Variants in FSTL1 observed in about 807,000 individuals in gnomAD.
FSTL1 encodes follistatin like 1, also known as follistatin-related protein 1.
In FSTL1, 24 loss-of-function variants were observed where a neutral mutation model predicts 45.9. The observed-to-expected ratio is 0.52, with a 90% CI of 0.38 to 0.74. The LOEUF (loss-of-function observed/expected upper bound fraction) is 0.74. Among genes scored for constraint, FSTL1 ranks in the 30% least tolerant of loss-of-function variants. The pLI is 0.00. For synonymous variants in FSTL1, 120 were observed against 137.6 expected, an observed-to-expected ratio of 0.87 and a Z score of 0.89; for missense variants, 340 against 381.8, an observed-to-expected ratio of 0.89 and a Z score of 0.91.
intron 7 of FSTL1, 51 bp from the exon 8 acceptor site, chr3:120,403,405 G>T: frequency 9.0e-7 from 1 of 1,108,138 alleles, no homozygotes; most frequent in Non-Finnish European, 1.4e-6. Flanking sequence ...GCTTCGCTCA[G>T]AAGAAAGGAA....
chr3:120,397,078 A>G (rs1936717392), intron 10 of FSTL1, 82 bp from the exon 11 acceptor site: 3 of 1,092,184 alleles, frequency 2.7e-6, no homozygotes, highest in Non-Finnish European at 4.2e-6. Flanking sequence ...ACTATATAGC[A>G]TTGGCATTTA....
chr3:120,447,919 G>T (rs1401047475), intron 2 of FSTL1, among the ~76,000 whole-genome samples: 1 of 152,200 alleles, frequency 6.6e-6, no homozygotes, highest in Admixed American at 6.5e-5. Flanking sequence ...CCAAAGTGCT[G>T]GGATTACAGG....
Position 120,394,741 on chromosome 3 carries a change from T to C in FSTL1, c.*2211A>G, listed in dbSNP as rs1432100668. Reference sequence around the variant, plus strand: ...ATGGAAGACTCCCCAGACTAGGCTATTTAGCAGCTTCCATGAATGGTCCTC... The same window carrying C: ...ATGGAAGACTCCCCAGACTAGGCTACTTAGCAGCTTCCATGAATGGTCCTC... On this transcript the variant is annotated 3_prime_UTR_variant, in exon 11 of 11. Transcript: ENST00000295633. 6.6e-6 allele frequency: 1 copy of C among 152,240 alleles called. No homozygotes were observed. The allele number at this position is 152,240 out of a possible 1,614,324, so 9.4% of individuals were successfully genotyped here. A position where few individuals can be genotyped will look rare whatever the true frequency, so the allele number is the denominator to read the frequency against.
chr3:120,405,886 A>G (rs4676778), intron 6 of FSTL1, among the ~76,000 whole-genome samples: 65,051 of 151,926 alleles, frequency 0.43, 14,598 homozygotes, highest in Non-Finnish European at 0.49. Context: ...AATTTCAATA[A>G]CATTTTCCCC....
chr3:120,435,302 A>AT (rs776177742), intron 2 of FSTL1, among the ~76,000 whole-genome samples: 6 of 152,190 alleles, frequency 3.9e-5, no homozygotes, highest in Non-Finnish European at 8.8e-5. Flanking sequence ...GTATTTTCTC[A>AT]TGAAGCACTT....
intron 4 of FSTL1, 90 bp from the exon 5 acceptor site, chr3:120,411,074 T>C (rs541359736): frequency 2.4e-6 from 2 of 840,866 alleles, no homozygotes; most frequent in South Asian, 1.6e-5. Flanking sequence ...GCTCTACATG[T>C]AGGGGAATGT....
chr3:120,423,773 T>C (rs1179754085), intron 2 of FSTL1: 4 of 152,178 alleles, frequency 2.6e-5, no homozygotes, highest in Non-Finnish European at 5.9e-5. Context: ...GAGTGATTCT[T>C]AGGAGTTCCC....
intron 2 of FSTL1, among the ~76,000 whole-genome samples, chr3:120,430,879 C>T (rs962636334): frequency 1.3e-5 from 2 of 152,236 alleles, no homozygotes; most frequent in African/African-American, 4.8e-5. Flanking sequence ...TAACTCAAGA[C>T]AATGTGTGGC....
chr3:120,422,615 T>C (rs867331817), intron 2 of FSTL1, among the ~76,000 whole-genome samples: 10 of 152,156 alleles, frequency 6.6e-5, no homozygotes, highest in African/African-American at 2.2e-4. Flanking sequence ...CCAGGCTCCA[T>C]GACATCCAGA....
intron 2 of FSTL1, among the ~76,000 whole-genome samples, chr3:120,429,545 G>A (rs1375705162): frequency 6.6e-6 from 1 of 152,124 alleles, no homozygotes; most frequent in African/African-American, 2.4e-5. Context: ...ATGCTAACCT[G>A]GTATCTATGG....
intron 3 of FSTL1, among the ~76,000 whole-genome samples, chr3:120,412,356 T>TCA (rs1380090307): frequency 6.6e-6 from 1 of 152,242 alleles, no homozygotes; most frequent in Non-Finnish European, 1.5e-5. Context: ...GACTCCTCCC[T>TCA]TGTGGATGAG....
At chr3:120,416,111 C>T in intron 2 of FSTL1, 84 bp from the exon 3 acceptor site, 1 of 1,048,774 alleles carries the variant, frequency 9.5e-7, no homozygotes, top group Non-Finnish European at 1.5e-6. Context: ...ATCTTTCAGG[C>T]TTGGGCTTTG....
At chr3:120,403,930 A>AAC (rs1553789459) in intron 7 of FSTL1, among the ~76,000 whole-genome samples, 2 of 129,022 alleles carry the variant, frequency 1.6e-5, no homozygotes, top group African/African-American at 5.9e-5. Context: ...CAAAAAAAAA[A>AAC]AAAAAAAAAA....
At chr3:120,423,216 C>G (rs1043549472) in intron 2 of FSTL1, 4 of 151,992 alleles carry the variant, frequency 2.6e-5, no homozygotes, top group Admixed American at 2.0e-4. Flanking sequence ...ACTGAAGAAT[C>G]TAGGTTGGCT....
In FSTL1 at chr3:120,403,259, A is replaced by C. The variant is rs547683717; in HGVS notation, c.677T>G (p.Phe226Cys). 1.0e-5 allele frequency: 16 copies of C among 1,597,498 alleles called. No homozygotes were observed. The highest frequency in any genetic ancestry group is 1.3e-5 in the African/African-American group (1 of 74,744). The part of the protein sequence containing the change: ...QEFLKCLNPS[F>C]NPPEKKCALE... ...AGGCATACTCTTCTCAGGAGGGTTG[A>C]AAGATGGGTTGAGGCACTTGAGAAA... is the stretch of plus-strand genomic sequence containing the variant. Residue 226 changes from phenylalanine (F) to cysteine (C), a missense_variant, in exon 8 of 11, where the codon TTC (phenylalanine) becomes TGC (cysteine). Phe to Cys is a radical substitution (Grantham distance 205, BLOSUM62 -2). Transcript: ENST00000295633.
rs1181868046 is a variant in FSTL1, at chr3:120,399,919, C to T, written c.846G>A (p.Glu282=). Residue 282 remains glutamate (E), a synonymous_variant, in exon 10 of 11, where the codon GAG becomes GAA. Transcript: ENST00000295633. ...QKGAQTQTEE[E]MTRYVQELQK... ...GGAGCTCCTGGACATATCTGGTCAT[C>T]TCCTCCTCTGTCTGGGTCTGGGCCC... 1 of 1,609,614 alleles carries T rather than the reference C, an allele frequency of 6.2e-7. No homozygotes were observed. The highest frequency in any genetic ancestry group is 2.2e-5 in the East Asian group (1 of 44,842).
At chr3:120,406,365 C>T (rs1936948135) in intron 6 of FSTL1, among the ~76,000 whole-genome samples, 1 of 152,254 alleles carries the variant, frequency 6.6e-6, no homozygotes, top group Non-Finnish European at 1.5e-5. Context: ...ATGACAGCAA[C>T]CCTCAAAGAC....
intron 2 of FSTL1, chr3:120,419,595 G>A (rs1937244089): frequency 6.6e-6 from 1 of 152,588 alleles, no homozygotes; most frequent in South Asian, 2.1e-4. Context: ...GTGATGATGG[G>A]GAGAGGGGTG....
intron 9 of FSTL1, among the ~76,000 whole-genome samples, chr3:120,401,538 A>G (rs1037326196): frequency 6.6e-6 from 1 of 151,648 alleles, no homozygotes; most frequent in African/African-American, 2.4e-5. Context: ...ACATTATCTT[A>G]GGTTCCAGCC....
Sources: gnomAD v4.1 joint callset for allele counts (sites outside exome capture counted in the v4.1 genomes callset) on GRCh38, gnomAD v4.1.1 for gene constraint, MANE v1.5 for transcripts, NCBI Gene and HGNC (gene_info 2026-07-23, HGNC 2026-07-21) for gene names.